WDR7: variants seen among roughly 807,000 people sequenced by gnomAD.
WDR7 encodes the protein WD repeat domain 7.
In WDR7, 46 loss-of-function variants were observed where a neutral mutation model predicts 169.4. That is an observed-to-expected ratio of 0.27 (90% confidence interval 0.21 to 0.35). The LOEUF (loss-of-function observed/expected upper bound fraction) is 0.35. Among genes scored for constraint, WDR7 ranks in the 10% least tolerant of loss-of-function variants. WDR7 has a pLI of 1.00. For synonymous variants in WDR7, 612 were observed against 666.8 expected (o/e 0.92, Z 1.27); for missense variants, 1,534 against 1,859.3 (o/e 0.83, Z 3.22).
At chr18:56,893,552 A>C (rs941506740) in intron 21 of WDR7, among the ~76,000 whole-genome samples, 3 of 152,064 alleles carry the variant, frequency 2.0e-5, no homozygotes, top group Non-Finnish European at 4.4e-5. Context: ...TAGGGAGTCC[A>C]AGTCTATTTT....
chr18:56,967,667 G>T (rs536828822), intron 26 of WDR7, among the ~76,000 whole-genome samples: 1 of 151,386 alleles, frequency 6.6e-6, no homozygotes, highest in Non-Finnish European at 1.5e-5. Context: ...TCTTAGGCTC[G>T]TGTTAACTAG....
At chr18:56,803,696 A>G (rs956818264) in intron 19 of WDR7, among the ~76,000 whole-genome samples, 4 of 152,242 alleles carry the variant, frequency 2.6e-5, no homozygotes, top group Non-Finnish European at 4.4e-5. Flanking sequence ...AACAAAAGCA[A>G]TGGTAATAAC....
intron 13 of WDR7, among the ~76,000 whole-genome samples, chr18:56,720,099 TAAA>T (rs1196903704): frequency 6.6e-6 from 1 of 152,190 alleles, no homozygotes; most frequent in Non-Finnish European, 1.5e-5. Context: ...GAATTAGTAT[TAAA>T]GAAAGTTCTT....
chr18:56,816,780 G>T (rs1485347522), intron 20 of WDR7, among the ~76,000 whole-genome samples: 1 of 152,148 alleles, frequency 6.6e-6, no homozygotes, highest in Non-Finnish European at 1.5e-5. Context: ...TTCTTTGAAT[G>T]CACAGAGGTT....
intron 21 of WDR7, among the ~76,000 whole-genome samples, chr18:56,922,839 A>C (rs2046745738): frequency 6.6e-6 from 1 of 152,170 alleles, no homozygotes; most frequent in Admixed American, 6.5e-5. Context: ...TATAATATAA[A>C]AATTATTATA....
chr18:56,695,688 C>T (rs2025686259), intron 11 of WDR7, among the ~76,000 whole-genome samples: 1 of 152,084 alleles, frequency 6.6e-6, no homozygotes, highest in Admixed American at 6.5e-5. Context: ...AGGCATGTGC[C>T]ACCACACCCA....
At chr18:56,802,115 C>G (rs1189098244) in intron 19 of WDR7, among the ~76,000 whole-genome samples, 6 of 152,082 alleles carry the variant, frequency 3.9e-5, no homozygotes, top group Non-Finnish European at 7.4e-5. Context: ...TTGTCAGCAT[C>G]TCATATTGTT....
At chr18:56,752,962 A>G (rs1171288721) in intron 14 of WDR7, among the ~76,000 whole-genome samples, 1 of 152,244 alleles carries the variant, frequency 6.6e-6, no homozygotes, top group Non-Finnish European at 1.5e-5. Flanking sequence ...AAGTGGTTTG[A>G]TTTGGCAGAA....
At chr18:56,939,181 G>C in intron 24 of WDR7, 130 bp from the exon 25 acceptor site, 1 of 584,434 alleles carries the variant, frequency 1.7e-6, no homozygotes, top group Admixed American at 3.8e-5. Context: ...AATTGCTTTT[G>C]TTTTTATTTT....
At chr18:56,759,495 C>T (rs2144957620) in intron 16 of WDR7, among the ~76,000 whole-genome samples, 1 of 152,252 alleles carries the variant, frequency 6.6e-6, no homozygotes, top group African/African-American at 2.4e-5. Flanking sequence ...TCTTCCTCTA[C>T]TAATAATTTC....
At chr18:56,923,837 A>G in intron 21 of WDR7, 85 bp from the exon 22 acceptor site, 3 of 1,299,962 alleles carry the variant, frequency 2.3e-6, no homozygotes, top group Non-Finnish European at 2.0e-6. Flanking sequence ...TCAAAAATGG[A>G]TTATATTTTG....
intron 13 of WDR7, among the ~76,000 whole-genome samples, chr18:56,725,003 A>C (rs912252648): frequency 2.0e-5 from 3 of 151,894 alleles, no homozygotes; most frequent in Non-Finnish European, 4.4e-5. Context: ...TTATGGCTGC[A>C]TAGTATTCCA....
intron 26 of WDR7, among the ~76,000 whole-genome samples, chr18:57,007,436 AGT>A (rs1422878635): frequency 1.2e-4 from 18 of 152,198 alleles, no homozygotes; most frequent in Non-Finnish European, 2.6e-4. Flanking sequence ...GAGAAATTAG[AGT>A]GTTTTGAGTT....
intron 25 of WDR7, among the ~76,000 whole-genome samples, chr18:56,948,021 G>A (rs1342264326): frequency 1.3e-5 from 2 of 151,936 alleles, no homozygotes; most frequent in Non-Finnish European, 2.9e-5. Flanking sequence ...CGTAATGCAT[G>A]ACAAATAAAG....
intron 19 of WDR7, among the ~76,000 whole-genome samples, chr18:56,785,047 G>C (rs2044377001): frequency 6.6e-6 from 1 of 151,906 alleles, no homozygotes; most frequent in Non-Finnish European, 1.5e-5. Flanking sequence ...GTTTTAGTTT[G>C]CTTTACTGTG....
At chr18:56,961,801 A>G (rs550962803) in intron 25 of WDR7, among the ~76,000 whole-genome samples, 2 of 152,328 alleles carry the variant, frequency 1.3e-5, no homozygotes, top group Admixed American at 6.5e-5. Context: ...GCTAAAAGCC[A>G]TGGCTATCAT....
At chr18:56,754,144 G>A (rs72914683) in intron 14 of WDR7, among the ~76,000 whole-genome samples, 3,320 of 151,364 alleles carry the variant, frequency 0.022, 39 homozygotes, top group Non-Finnish European at 0.031. Flanking sequence ...ACTTTGGTCC[G>A]GGAAAGTACA....
chr18:56,984,062 G>GT (rs2047681531), intron 26 of WDR7, among the ~76,000 whole-genome samples: 3 of 142,810 alleles, frequency 2.1e-5, no homozygotes, highest in Admixed American at 2.1e-4. Flanking sequence ...TATTTTATCC[G>GT]TTTGAAAAAA....
intron 27 of WDR7, among the ~76,000 whole-genome samples, chr18:57,024,204 CA>C (rs1159754841): frequency 1.3e-5 from 2 of 152,040 alleles, no homozygotes; most frequent in Non-Finnish European, 2.9e-5. Context: ...TCTTTGCAAT[CA>C]GGAAAAAGTG....
Sources: allele counts gnomAD v4.1 joint callset (sites outside exome capture counted in the v4.1 genomes callset), GRCh38; gene constraint gnomAD v4.1.1; transcripts MANE v1.5; gene names NCBI Gene and HGNC (gene_info 2026-07-23, HGNC 2026-07-21).